Variants in DENND1A observed in about 807,000 individuals in gnomAD.
DENND1A encodes the protein DENN domain containing 1A.
DENND1A carries 51 observed loss-of-function variants against 113.7 expected under a neutral mutation model. The observed-to-expected ratio is 0.45, with a 90% confidence interval of 0.36 to 0.57. The LOEUF is 0.57. Among genes scored for constraint, DENND1A ranks in the 20% least tolerant of loss-of-function variants. The pLI is 0.00. For missense variants in DENND1A, 1,258 were observed against 1,395.9 expected, an observed-to-expected ratio of 0.90 and a Z score of 1.57; for synonymous variants, 565 against 570.8, an observed-to-expected ratio of 0.99 and a Z score of 0.14.
intron 7 of DENND1A, among the ~76,000 whole-genome samples, chr9:123,669,841 G>A (rs1045284278): frequency 2.0e-5 from 3 of 152,186 alleles, no homozygotes; most frequent in Non-Finnish European, 2.9e-5. Context: ...ATTAAAATGG[G>A]CAAAAGTCTC....
intron 8 of DENND1A, among the ~76,000 whole-genome samples, chr9:123,653,481 G>A (rs1416654510): frequency 6.6e-6 from 1 of 152,180 alleles, no homozygotes; most frequent in Non-Finnish European, 1.5e-5. Flanking sequence ...CACATCTATT[G>A]TTTGAAAGAT....
At chr9:123,777,107 T>C (rs1830580048) in intron 3 of DENND1A, among the ~76,000 whole-genome samples, 1 of 152,250 alleles carries the variant, frequency 6.6e-6, no homozygotes, top group East Asian at 1.9e-4. Flanking sequence ...ATAGACTCTG[T>C]ATTGTGGCTA....
intron 13 of DENND1A, among the ~76,000 whole-genome samples, chr9:123,529,001 T>C (rs976283911): frequency 1.1e-4 from 16 of 152,232 alleles, no homozygotes; most frequent in African/African-American, 3.4e-4. Flanking sequence ...ATCCTCGTTG[T>C]GTCACTCTCT....
At chr9:123,404,501 A>G (rs2043775276) in intron 20 of DENND1A, among the ~76,000 whole-genome samples, 1 of 152,150 alleles carries the variant, frequency 6.6e-6, no homozygotes, top group African/African-American at 2.4e-5. Flanking sequence ...GGATGCCACA[A>G]CTGCTGAGTT....
chr9:123,385,153 C>T (rs1229951338), intron 22 of DENND1A, among the ~76,000 whole-genome samples: 1 of 152,120 alleles, frequency 6.6e-6, no homozygotes, highest in Non-Finnish European at 1.5e-5. Flanking sequence ...GTGGGAAGTG[C>T]ATCTAGCCTT....
At chr9:123,474,155 G>A (rs938778685) in intron 13 of DENND1A, among the ~76,000 whole-genome samples, 2 of 151,734 alleles carry the variant, frequency 1.3e-5, no homozygotes, top group African/African-American at 4.8e-5. Flanking sequence ...CCACCATGCC[G>A]AGCTAATTTT....
At chr9:123,698,669 T>C (rs1181188041) in intron 5 of DENND1A, among the ~76,000 whole-genome samples, 5 of 152,212 alleles carry the variant, frequency 3.3e-5, no homozygotes, top group Non-Finnish European at 5.9e-5. Flanking sequence ...ACGGATCCCT[T>C]AGATTCGTTC....
chr9:123,655,065 C>G (rs1025060075), intron 8 of DENND1A, among the ~76,000 whole-genome samples: 5 of 152,228 alleles, frequency 3.3e-5, no homozygotes, highest in African/African-American at 1.2e-4. Context: ...ATTACTCCTG[C>G]TGTGTCCTCT....
At chr9:123,849,784 CA>C (rs1242855521) in intron 2 of DENND1A, among the ~76,000 whole-genome samples, 2 of 152,112 alleles carry the variant, frequency 1.3e-5, no homozygotes, top group African/African-American at 4.8e-5. Flanking sequence ...TGTGGGAGGT[CA>C]AAATACCAAC....
At chr9:123,500,209 C>G (rs2052351370) in intron 13 of DENND1A, among the ~76,000 whole-genome samples, 1 of 152,166 alleles carries the variant, frequency 6.6e-6, no homozygotes, top group African/African-American at 2.4e-5. Context: ...ATGAAGCAGG[C>G]CACCTGGATA....
intron 5 of DENND1A, among the ~76,000 whole-genome samples, chr9:123,741,205 A>T (rs114050571): frequency 6.6e-6 from 1 of 152,216 alleles, no homozygotes; most frequent in Non-Finnish European, 1.5e-5. Context: ...TTTAAAAGTG[A>T]TAAGTCTGCT....
At chr9:123,667,893 G>A (rs893041313) in intron 7 of DENND1A, among the ~76,000 whole-genome samples, 3 of 152,044 alleles carry the variant, frequency 2.0e-5, no homozygotes, top group East Asian at 1.9e-4. Context: ...GACCATTGCC[G>A]ATGACTAAGA....
At chr9:123,843,001 C>T in intron 2 of DENND1A, 1 of 429,232 alleles carries the variant, frequency 2.3e-6, no homozygotes, top group African/African-American at 2.1e-5. Context: ...AAGTCCCTTC[C>T]CCAAGCGAGA....
Position 123,711,492 on chromosome 9 carries a change from T to A in DENND1A, c.303-34703A>T, listed in dbSNP as rs557930974. 6.0e-3 allele frequency among the ~76,000 whole-genome samples: 576 copies of A among 95,922 alleles called. 4 individuals are homozygous for A. Among genetic ancestry groups the A allele is most frequent in the African/African-American group, 0.024 (537 of 22,172 alleles). The allele number at this position is 95,922 out of a possible 152,430, so 62.9% of individuals were successfully genotyped here. On this transcript the variant is annotated intron_variant, in intron 5 of 23. Coordinates refer to ENST00000394215, the MANE Select transcript of DENND1A (RefSeq NM_001352964.2). ...AAATAATAATAAATTAAAAAATATA[T>A]ATATATATATATGTATATATGTATA...
intron 2 of DENND1A, among the ~76,000 whole-genome samples, chr9:123,842,233 A>C (rs1396306372): frequency 6.6e-6 from 1 of 152,230 alleles, no homozygotes; most frequent in Admixed American, 6.5e-5. Context: ...CAGCATGAAG[A>C]AAATTATCTT....
intron 19 of DENND1A, among the ~76,000 whole-genome samples, chr9:123,424,278 A>G (rs1287926225): frequency 6.6e-6 from 1 of 152,160 alleles, no homozygotes; most frequent in Non-Finnish European, 1.5e-5. Context: ...CTGTACTTCA[A>G]GCCTCACTGG....
chr9:123,590,301 T>G (rs1293012185), intron 11 of DENND1A, among the ~76,000 whole-genome samples: 4 of 152,242 alleles, frequency 2.6e-5, no homozygotes, highest in Admixed American at 6.5e-5. Context: ...ATCAGATTTC[T>G]CTACTCTCAG....
intron 21 of DENND1A, among the ~76,000 whole-genome samples, chr9:123,390,443 G>A (rs2042780743): frequency 6.6e-6 from 1 of 152,194 alleles, no homozygotes; most frequent in Admixed American, 6.5e-5. Context: ...AGGTAGGTAG[G>A]GGCAGGCAGA....
rs1195236840 is a variant in DENND1A, at chr9:123,792,644, A to G, written c.89-14T>C. 6.2e-7 allele frequency: 1 copy of G among 1,613,016 alleles called. No homozygotes were observed. Among genetic ancestry groups the G allele is most frequent in the South Asian group, 1.1e-5 (1 of 90,788 alleles). ...GCACCTCAGGATCTGTAAATAATTG[A>G]CAGATAATATTAATTGGCTTTGGAT... On this transcript the variant is annotated splice_polypyrimidine_tract_variant and intron_variant, in intron 2 of 23. Transcript: ENST00000394215.
Sources: allele counts gnomAD v4.1 joint callset (sites outside exome capture counted in the v4.1 genomes callset), GRCh38; gene constraint gnomAD v4.1.1; transcripts MANE v1.5; gene names NCBI Gene and HGNC (gene_info 2026-07-23, HGNC 2026-07-21).